ULK2: variants seen among roughly 807,000 people sequenced by gnomAD.
The protein encoded by ULK2 is serine/threonine-protein kinase ULK2.
In ULK2, 76 loss-of-function variants were observed where a neutral mutation model predicts 127.5. That is an observed-to-expected ratio of 0.60 (90% CI 0.50 to 0.72). ULK2 has a LOEUF of 0.72. Ranked by LOEUF, ULK2 falls within the 30% of genes least tolerant of loss-of-function variation. The pLI, the probability that ULK2 is intolerant of heterozygous loss-of-function variation, is 0.00. For missense variants in ULK2, 1,144 were observed against 1,295.9 expected, an observed-to-expected ratio of 0.88 and a Z score of 1.80; for synonymous variants, 452 against 461.9, an observed-to-expected ratio of 0.98 and a Z score of 0.28.
At chr17:19,820,056 T>A (rs931485833) in intron 12 of ULK2, among the ~76,000 whole-genome samples, 9 of 150,762 alleles carry the variant, frequency 6.0e-5, no homozygotes, top group Non-Finnish European at 5.9e-5. Flanking sequence ...TTTATTTATT[T>A]TTTTTTTTTT....
At chr17:19,847,421 T>C (rs1454163972) in intron 5 of ULK2, among the ~76,000 whole-genome samples, 1 of 152,222 alleles carries the variant, frequency 6.6e-6, no homozygotes, top group African/African-American at 2.4e-5. Context: ...ACTCTGTCCT[T>C]TTATCTCCCA....
intron 13 of ULK2, among the ~76,000 whole-genome samples, chr17:19,814,415 T>TAC (rs1567696340): frequency 2.1e-3 from 69 of 32,122 alleles, no homozygotes; most frequent in African/African-American, 9.9e-3. Context: ...TATATACATA[T>TAC]ATATATATAT....
intron 9 of ULK2, chr17:19,840,034 T>C: frequency 3.4e-6 from 1 of 292,234 alleles, no homozygotes; most frequent in Non-Finnish European, 6.7e-6. Context: ...AAAACAGGGA[T>C]CTGATTAAAT....
At chr17:19,826,593 A>G (rs157398) in intron 10 of ULK2, among the ~76,000 whole-genome samples, 150,306 of 152,294 alleles carry the variant, frequency 0.99, 74,184 homozygotes, top group Middle Eastern at 1. Context: ...GGAAATTGAT[A>G]CAGCTGATTT....
At chr17:19,867,209 T>A (rs1165432917) in intron 1 of ULK2, 119 bp downstream of exon 1, 6 of 722,132 alleles carry the variant, frequency 8.3e-6, no homozygotes, top group Non-Finnish European at 1.0e-5. Flanking sequence ...GCGCGCACAA[T>A]AGCATACCCG....
intron 13 of ULK2, 129 bp downstream of exon 13, chr17:19,816,620 C>T (rs1005483254): frequency 1.2e-6 from 1 of 810,952 alleles, no homozygotes; most frequent in African/African-American, 1.8e-5. Context: ...TCTGAGAATT[C>T]AAACAACTAA....
chr17:19,838,467 T>C (rs752452890), intron 10 of ULK2, 34 bp downstream of exon 10: 4 of 1,556,320 alleles, frequency 2.6e-6, no homozygotes, highest in South Asian at 1.2e-5. Context: ...ACAATAAAAT[T>C]AGAAAACATG....
rs759091736 is a variant in ULK2 at position 19,846,744 on chromosome 17, G to C, written c.462C>G (p.Ile154Met). 3 of 1,602,448 alleles carry C rather than the reference G, an allele frequency of 1.9e-6. No homozygotes were observed. Among genetic ancestry groups the C allele is most frequent in the Non-Finnish European group, 2.6e-6 (3 of 1,175,168 alleles). The change falls in exon 6 of 27, where the codon ATC (isoleucine) becomes ATG (methionine). Residue 154 changes from isoleucine (I) to methionine (M), a missense_variant. Physicochemically the swap from Ile to Met is conservative, Grantham distance 10. This residue lies in a region of ULK2 where 231 missense variants were observed against 325.4 expected (regional missense o/e 0.71). Coordinates refer to ENST00000395544, the MANE Select transcript of ULK2 (RefSeq NM_014683.4). Reference protein sequence around the residue: ...RRKSSVSGIRIKIADFGFARY... With the variant: ...RRKSSVSGIRMKIADFGFARY... ...CAATACATGGCCATTTACCTATTTTGATGCGAATACCACTGACACTTGATT... is the reference window on the plus strand; with the variant it reads ...CAATACATGGCCATTTACCTATTTTCATGCGAATACCACTGACACTTGATT...
chr17:19,776,369 G>C lies in ULK2; in HGVS notation c.3091C>G (p.His1031Asp), dbSNP rs148750922. 6.2e-6 allele frequency: 10 copies of C among 1,605,774 alleles called. No homozygotes were observed. Among genetic ancestry groups the C allele is most frequent in the Non-Finnish European group, 8.5e-6 (10 of 1,176,386 alleles). ...SIERRLSALCHSTATV is the reference protein window; with the variant it reads ...SIERRLSALCDSTATV ...GCTGCTCACACGGTTGCGGTGCTAT[G>C]GCAGAGCGCCGACAGTCTTCTCTCA... Residue 1031 changes from histidine to aspartate, a missense_variant, in exon 27 of 27, where the codon CAT (histidine) becomes GAT (aspartate). Physicochemically the swap from His to Asp is moderately conservative, Grantham distance 81 (BLOSUM62 -1). Coordinates refer to ENST00000395544, the MANE Select transcript of ULK2 (RefSeq NM_014683.4).
rs1238649835 is a variant in ULK2 at position 19,771,868 on chromosome 17, A to T, written c.*4481T>A. On this transcript the variant is annotated 3_prime_UTR_variant, in exon 27 of 27. Transcript: ENST00000395544. ...GAGCTCATGTGGGCACTTCCTAATG[A>T]CAGAAGCTAACTGTCCAAGAGCACG... is the stretch of plus-strand genomic sequence containing the variant. 2.0e-5 allele frequency: 3 copies of T among 152,224 alleles called. No homozygotes were observed. Among genetic ancestry groups the T allele is most frequent in the African/African-American group, 4.8e-5 (2 of 41,454 alleles). The allele number at this position is 152,224 out of a possible 1,614,324, so 9.4% of individuals were successfully genotyped here. A position where few individuals can be genotyped will look rare whatever the true frequency, so the allele number is the denominator to read the frequency against.
intron 3 of ULK2, among the ~76,000 whole-genome samples, chr17:19,858,580 AC>A (rs1273565716): frequency 6.6e-6 from 1 of 152,124 alleles, no homozygotes; most frequent in African/African-American, 2.4e-5. Flanking sequence ...AATGAACACA[AC>A]CTATGCATCA....
Position 19,772,419 on chromosome 17 carries a change from T to C in ULK2, c.*3930A>G, listed in dbSNP as rs1597691831. On this transcript the variant is annotated 3_prime_UTR_variant, in exon 27 of 27. Transcript: ENST00000395544. Reference sequence around the variant, plus strand: ...TGAGACTTGGGAGGGACCCAAGAGCTTGCTTGGCTGCAGATTCAAGGGTCC... The same window carrying C: ...TGAGACTTGGGAGGGACCCAAGAGCCTGCTTGGCTGCAGATTCAAGGGTCC... 6.6e-6 allele frequency: 1 copy of C among 152,286 alleles called. No homozygotes were observed. The highest frequency in any genetic ancestry group is 1.9e-4 in the East Asian group (1 of 5,176). 9.4% of individuals were successfully genotyped at this position (152,286 alleles called of 1,614,324 possible).
chr17:19,842,190 C>CTTTTTTTTTTTTTTTTT (rs869294657), intron 8 of ULK2, among the ~76,000 whole-genome samples: 1 of 88,396 alleles, frequency 1.1e-5, no homozygotes, highest in East Asian at 3.9e-4. Context: ...TTTTCTTTTT[C>CTTTTTTTTTTTTTTTTT]TTTTTTTTTT....
chr17:19,824,334 T>C (rs898591189), intron 12 of ULK2, among the ~76,000 whole-genome samples: 2 of 149,980 alleles, frequency 1.3e-5, no homozygotes, highest in African/African-American at 2.5e-5. Context: ...CAGTCCCAGC[T>C]ACTTGGGAGG....
At chr17:19,851,408 TG>T (rs1366336527) in intron 3 of ULK2, among the ~76,000 whole-genome samples, 28 of 141,360 alleles carry the variant, frequency 2.0e-4, no homozygotes, top group African/African-American at 7.6e-4. Flanking sequence ...GAGGCCAAGG[TG>T]GGCAGATCAC....
intron 12 of ULK2, among the ~76,000 whole-genome samples, chr17:19,818,969 TTTTG>T (rs1465854093): frequency 1.3e-5 from 2 of 151,984 alleles, no homozygotes; most frequent in Non-Finnish European, 2.9e-5. Context: ...CCTGGCTAAT[TTTTG>T]TAGTTTTAGT....
chr17:19,824,942 T>C lies in ULK2; in HGVS notation c.924+152A>G. The C allele has an allele frequency of 6.7e-6, 5 of 751,756 alleles. No individual in the cohort carries two copies. The South Asian group carries it at 9.4e-5, about 14-fold the overall frequency. 46.6% of individuals were successfully genotyped at this position (751,756 alleles called of 1,614,324 possible). ...ACAGAGGCCCGAATGCAGGTCCATT[T>C]GACCCAACTATCATGTTCTTTCCCC... is the stretch of plus-strand genomic sequence containing the variant. On this transcript the variant is annotated intron_variant, in intron 12 of 26. Coordinates refer to ENST00000395544, the MANE Select transcript of ULK2 (RefSeq NM_014683.4).
intron 15 of ULK2, 148 bp from the exon 16 acceptor site, chr17:19,802,070 G>T: frequency 1.2e-6 from 1 of 859,026 alleles, no homozygotes; most frequent in Non-Finnish European, 1.7e-6. Flanking sequence ...TGCATAAAAA[G>T]AGTGAGGTCT....
In ULK2 at chr17:19,771,424, A is replaced by G. The variant is rs548522990; in HGVS notation, c.*4925T>C. On this transcript the variant is annotated 3_prime_UTR_variant, in exon 27 of 27. Coordinates refer to ENST00000395544, the MANE Select transcript of ULK2 (RefSeq NM_014683.4). Reference sequence around the variant, plus strand: ...TGGAGAAAGCAACTTCTATGCAAGAACTGTGTCCTTTCAGAAGCTCCAGCC... The same window carrying G: ...TGGAGAAAGCAACTTCTATGCAAGAGCTGTGTCCTTTCAGAAGCTCCAGCC... 1.3e-5 allele frequency: 2 copies of G among 152,288 alleles called. 1 individual carries two copies. Among genetic ancestry groups the G allele is most frequent in the African/African-American group, 4.8e-5 (2 of 41,552 alleles). 9.4% of individuals were successfully genotyped at this position (152,288 alleles called of 1,614,324 possible).
Sources: gnomAD v4.1 joint callset for allele counts (sites outside exome capture counted in the v4.1 genomes callset) on GRCh38, gnomAD v4.1.1 for gene constraint, gnomAD v4.1.1 regional missense constraint, MANE v1.5 for transcripts, NCBI Gene and HGNC (gene_info 2026-07-23, HGNC 2026-07-21) for gene names.